TMBIM6: variants seen among roughly 807,000 people sequenced by gnomAD.
TMBIM6 encodes transmembrane BAX inhibitor motif containing 6.
Under a neutral mutation model 31.4 loss-of-function variants are expected in TMBIM6, and 13 were observed. The ratio of observed to expected loss-of-function variants is 0.41; its 90% confidence interval spans 0.27 to 0.66. The LOEUF (loss-of-function observed/expected upper bound fraction) is 0.66, where lower values mean the gene tolerates loss of function less well. TMBIM6 is among the 30% of genes least tolerant of loss of function. The pLI, the probability that TMBIM6 is intolerant of heterozygous loss-of-function variation, is 0.28. For synonymous variants in TMBIM6, 85 were observed against 101.7 expected (o/e 0.84, Z 0.99); for missense variants, 275 against 289.5 (o/e 0.95, Z 0.36).
At chr12:49,758,818 CT>C (rs57007895) in intron 7 of TMBIM6, 56 bp downstream of exon 7, 202,304 of 1,097,608 alleles carry the variant, frequency 0.18, no homozygotes, top group East Asian at 0.22. Flanking sequence ...TCTTTCTTTC[CT>C]TTTTTTTTTT....
chr12:49,758,446 C>T lies in TMBIM6; in HGVS notation c.399C>T (p.Leu133=), dbSNP rs754384475. 8 of 1,614,212 alleles carry T rather than the reference C, an allele frequency of 5.0e-6. No homozygotes were observed. The highest frequency in any genetic ancestry group is 1.3e-5 in the African/African-American group (1 of 75,056). ...MIFTCFTLSA[L]YARRRSYLFL... is the part of the protein sequence containing the mutation. ...TTACCTGCTTCACCCTCAGTGCACT[C>T]TATGCCAGGCGCCGTAGCTACCTCT... Residue 133 remains leucine, a synonymous_variant, in exon 6 of 10, where the codon CTC becomes CTT. Transcript: ENST00000267115.
chr12:49,754,911 G>A (rs1255903302), intron 3 of TMBIM6, among the ~76,000 whole-genome samples: 1 of 152,126 alleles, frequency 6.6e-6, no homozygotes, highest in Non-Finnish European at 1.5e-5. Context: ...GCAGTCTTCT[G>A]TATATGTATG....
In TMBIM6 at chr12:49,759,291, A is replaced by C. The variant is rs1476334396; in HGVS notation, c.584A>C (p.Lys195Thr). ...VLFDTQLIIEKAEHGDQDYIW... is the reference protein window; with the variant it reads ...VLFDTQLIIETAEHGDQDYIW... ...TTTGATACTCAACTCATTATTGAAA[A>C]GGCCGAACATGGAGATCAAGATTAT... Residue 195 changes from lysine to threonine, a missense_variant, in exon 8 of 10, where the codon AAG becomes ACG. By Grantham distance (78) the Lys-to-Thr change is moderately conservative. Transcript: ENST00000267115. 1 of 1,614,122 alleles carries C rather than the reference A, an allele frequency of 6.2e-7. No individual in the cohort carries two copies. The highest frequency in any genetic ancestry group is 8.5e-7 in the Non-Finnish European group (1 of 1,180,016).
chr12:49,744,688 C>T (rs1945358610), intron 1 of TMBIM6: 2 of 152,112 alleles, frequency 1.3e-5, no homozygotes. Context: ...AAGCTCTGCC[C>T]TCAGGGTGAG....
At chr12:49,746,080 C>CT (rs552800208) in intron 1 of TMBIM6, among the ~76,000 whole-genome samples, 4,093 of 143,848 alleles carry the variant, frequency 0.028, 171 homozygotes, top group African/African-American at 0.089. Flanking sequence ...TCTTTTCTCT[C>CT]TTTTTTTTTT....
chr12:49,742,032 C>G, intron 1 of TMBIM6: 4 of 1,489,478 alleles, frequency 2.7e-6, no homozygotes, highest in Non-Finnish European at 3.6e-6. Flanking sequence ...ACGCGAAACT[C>G]CACCCATCCG....
chr12:49,753,367 G>A (rs981243402), intron 3 of TMBIM6, among the ~76,000 whole-genome samples: 1 of 152,178 alleles, frequency 6.6e-6, no homozygotes, highest in Non-Finnish European at 1.5e-5. Flanking sequence ...TGCATGCTGG[G>A]ATTCTTTGGC....
At chr12:49,761,624 G>C in intron 8 of TMBIM6, 80 bp from the exon 9 acceptor site, 1 of 1,323,728 alleles carries the variant, frequency 7.6e-7, no homozygotes. Context: ...GGTAGGGGTG[G>C]GGTTTATATT....
rs199503942 is a variant in TMBIM6 at position 49,758,810 on chromosome 12, T to C, written c.513+48T>C. Reference sequence around the variant, plus strand: ...CCAGCAGCCATTTGCCTCACACTTCTTTCTTTCCTTTTTTTTTTTTTTTTG... The same window carrying C: ...CCAGCAGCCATTTGCCTCACACTTCCTTCTTTCCTTTTTTTTTTTTTTTTG... On this transcript the variant is annotated intron_variant, in intron 7 of 9. Coordinates refer to ENST00000267115, the MANE Select transcript of TMBIM6 (RefSeq NM_003217.3). The C allele has an allele frequency of 7.2e-4, 1,083 of 1,499,064 alleles. 2 individuals are homozygous for C. The highest frequency in any genetic ancestry group is 1.7e-3 in the South Asian group (143 of 83,878). The allele number at this position is 1,499,064 out of a possible 1,614,324, so 92.9% of individuals were successfully genotyped here. A position where few individuals can be genotyped will look rare whatever the true frequency, so the allele number is the denominator to read the frequency against.
At chr12:49,746,005 C>T (rs1197915335) in intron 1 of TMBIM6, among the ~76,000 whole-genome samples, 8 of 151,654 alleles carry the variant, frequency 5.3e-5, no homozygotes, top group Non-Finnish European at 8.8e-5. Context: ...CATTGTAAAT[C>T]GAGCATCTAT....
chr12:49,752,370 C>A, intron 1 of TMBIM6, 94 bp from the exon 2 acceptor site: 1 of 892,204 alleles, frequency 1.1e-6, no homozygotes, highest in Non-Finnish European at 1.7e-6. Context: ...AAGTTTTCAT[C>A]TTTCTGAACT....
chr12:49,745,691 C>G (rs1945377665), intron 1 of TMBIM6, among the ~76,000 whole-genome samples: 1 of 147,368 alleles, frequency 6.8e-6, no homozygotes, highest in South Asian at 2.1e-4. Flanking sequence ...TGCCACTGCA[C>G]TCCAGCCTGG....
At position 49,764,560 on chromosome 12, in the gene TMBIM6, A is replaced by C. The variant is rs1385837893; in HGVS notation, c.*1664A>C. The C allele has an allele frequency of 6.6e-6, 1 of 152,330 alleles. No individual in the cohort carries two copies. Among genetic ancestry groups the C allele is most frequent in the Admixed American group, 6.6e-5 (1 of 15,246 alleles). 9.4% of individuals were successfully genotyped at this position (152,330 alleles called of 1,614,324 possible). ...ACTAAAGGCACTTCCTTCCTGTTAA[A>C]CCCCTGTTAACTCTCCATAAATTTG... On this transcript the variant is annotated 3_prime_UTR_variant, in exon 10 of 10. Transcript: ENST00000267115.
intron 9 of TMBIM6, chr12:49,762,254 G>A (rs1008299868): frequency 6.1e-5 from 10 of 162,968 alleles, no homozygotes; most frequent in Non-Finnish European, 1.1e-4. Context: ...GGAGCTTAGA[G>A]ATAGCATAGT....
At chr12:49,759,369 C>A in intron 8 of TMBIM6, 48 bp downstream of exon 8, 2 of 1,508,236 alleles carry the variant, frequency 1.3e-6, no homozygotes, top group South Asian at 2.3e-5. Flanking sequence ...TGAGGCATAC[C>A]GTTCAGCAGC....
At position 49,764,728 on chromosome 12, in the gene TMBIM6, A is replaced by AAAG. The variant is rs1945786705; in HGVS notation, c.*1834_*1835insGAA. The AAAG allele has an allele frequency of 8.7e-6, 1 of 114,834 alleles. No homozygotes were observed. The highest frequency in any genetic ancestry group is 4.6e-5 in the African/African-American group (1 of 21,832). 7.1% of individuals were successfully genotyped at this position (114,834 alleles called of 1,614,324 possible). A position where few individuals can be genotyped will look rare whatever the true frequency, so the allele number is the denominator to read the frequency against. On this transcript the variant is annotated 3_prime_UTR_variant, in exon 10 of 10. Coordinates refer to ENST00000267115, the MANE Select transcript of TMBIM6 (RefSeq NM_003217.3). ...AAGATATTAAAAAAAAAAAAGAAAG[A>AAAG]AAAAAAAAAAAACACCTACTTTTAA...
chr12:49,751,504 CTG>C (rs2136941064), intron 1 of TMBIM6, among the ~76,000 whole-genome samples: 1 of 152,168 alleles, frequency 6.6e-6, no homozygotes, highest in African/African-American at 2.4e-5. Context: ...GGTTCTGAAA[CTG>C]TCAAAAAAAT....
chr12:49,756,062 T>C (rs1390041991), intron 4 of TMBIM6, among the ~76,000 whole-genome samples: 1 of 152,130 alleles, frequency 6.6e-6, no homozygotes, highest in Non-Finnish European at 1.5e-5. Flanking sequence ...CTTGATCTCC[T>C]GACCTCATGA....
chr12:49,754,779 A>C (rs544199401), intron 3 of TMBIM6, among the ~76,000 whole-genome samples: 4 of 152,222 alleles, frequency 2.6e-5, no homozygotes, highest in African/African-American at 9.6e-5. Flanking sequence ...TTCTTACTAC[A>C]AAGCTAATAT....
Sources: gnomAD v4.1 joint callset for allele counts (sites outside exome capture counted in the v4.1 genomes callset) on GRCh38, gnomAD v4.1.1 for gene constraint, MANE v1.5 for transcripts, NCBI Gene and HGNC (gene_info 2026-07-23, HGNC 2026-07-21) for gene names.